Variants in SPTLC1 observed in about 807,000 individuals in gnomAD.
SPTLC1 encodes serine palmitoyltransferase 1.
Under a neutral mutation model 68.9 loss-of-function variants are expected in SPTLC1, and 55 were observed. The observed-to-expected ratio is 0.80, with a 90% CI of 0.64 to 1.00. The LOEUF (loss-of-function observed/expected upper bound fraction) is 1.00. Ranked by LOEUF, SPTLC1 falls within the 50% of genes least tolerant of loss-of-function variation. The pLI is 0.00. For missense variants in SPTLC1, 449 were observed against 573.1 expected, an observed-to-expected ratio of 0.78 and a Z score of 2.21; for synonymous variants, 197 against 201.6, an observed-to-expected ratio of 0.98 and a Z score of 0.19.
intron 3 of SPTLC1, among the ~76,000 whole-genome samples, chr9:92,093,714 C>T (rs947991701): frequency 1.3e-5 from 2 of 152,182 alleles, no homozygotes; most frequent in Non-Finnish European, 2.9e-5. Flanking sequence ...AGATAAACTA[C>T]AAACTCAATG....
intron 2 of SPTLC1, chr9:92,111,458 C>G: frequency 6.6e-6 from 1 of 152,130 alleles, no homozygotes; most frequent in East Asian, 1.9e-4. Context: ...TGTATTATGG[C>G]TTTTATAGTA....
intron 12 of SPTLC1, among the ~76,000 whole-genome samples, chr9:92,041,080 G>C (rs1378001769): frequency 6.6e-6 from 1 of 152,146 alleles, no homozygotes; most frequent in Non-Finnish European, 1.5e-5. Flanking sequence ...CAATCACCAA[G>C]GTAGCCACGG....
intron 3 of SPTLC1, among the ~76,000 whole-genome samples, chr9:92,089,658 A>G (rs1353245513): frequency 6.6e-6 from 1 of 152,206 alleles, no homozygotes; most frequent in Admixed American, 6.5e-5. Flanking sequence ...ACAGGGAAAA[A>G]CTGGAGGAAA....
At chr9:92,073,345 C>A (rs1834564306) in intron 5 of SPTLC1, among the ~76,000 whole-genome samples, 1 of 152,238 alleles carries the variant, frequency 6.6e-6, no homozygotes, top group African/African-American at 2.4e-5. Flanking sequence ...ACTGCTGGCG[C>A]CTTGAGCCTG....
intron 5 of SPTLC1, among the ~76,000 whole-genome samples, chr9:92,071,886 C>T (rs1834506164): frequency 1.3e-5 from 2 of 152,200 alleles, no homozygotes. Context: ...CCTCATGACA[C>T]ATGACACTGT....
intron 6 of SPTLC1, among the ~76,000 whole-genome samples, chr9:92,065,834 C>T (rs1374982651): frequency 6.6e-6 from 1 of 152,128 alleles, no homozygotes; most frequent in Non-Finnish European, 1.5e-5. Flanking sequence ...TGTAGTGCTC[C>T]TAGACTGCTG....
rs895894833 is a variant in SPTLC1 at position 92,032,146 on chromosome 9, G to A, written c.*319C>T. 9.3e-6 allele frequency: 8 copies of A among 857,302 alleles called. No individual in the cohort carries two copies. The highest frequency in any genetic ancestry group is 3.4e-5 in the African/African-American group (2 of 58,706). The allele number at this position is 857,302 out of a possible 1,614,324, so 53.1% of individuals were successfully genotyped here. On this transcript the variant is annotated 3_prime_UTR_variant, in exon 15 of 15. Transcript: ENST00000262554. ...AGACACTGAAGCTCCAGTTTTAAAC[G>A]ACAACAAAAGAATATAAAATACTAG...
At chr9:92,053,678 T>C (rs566753099) in intron 8 of SPTLC1, among the ~76,000 whole-genome samples, 6 of 152,320 alleles carry the variant, frequency 3.9e-5, no homozygotes, top group East Asian at 1.9e-4. Context: ...TCATATATTA[T>C]ATGATGCCAT....
intron 3 of SPTLC1, among the ~76,000 whole-genome samples, chr9:92,088,883 G>C (rs1489173063): frequency 6.6e-6 from 1 of 152,066 alleles, no homozygotes; most frequent in Non-Finnish European, 1.5e-5. Flanking sequence ...AATCTTATAG[G>C]GTATGCTGCA....
In SPTLC1 at chr9:92,047,145, A is replaced by C. The variant is rs1343900253; in HGVS notation, c.1081+27T>G. 3 of 1,565,014 alleles carry C rather than the reference A, an allele frequency of 1.9e-6. No individual in the cohort carries two copies. The East Asian group carries it at 6.7e-5, about 35-fold the overall frequency. ...ACTAACGTAACCTGAAATCTCTTTG[A>C]TTCCTTGGGTTTTTAAAGGGTTATA... On this transcript the variant is annotated intron_variant, in intron 11 of 14. Coordinates refer to ENST00000262554, the MANE Select transcript of SPTLC1 (RefSeq NM_006415.4).
At chr9:92,039,001 G>T (rs976410859) in intron 12 of SPTLC1, among the ~76,000 whole-genome samples, 7 of 152,090 alleles carry the variant, frequency 4.6e-5, no homozygotes, top group African/African-American at 1.7e-4. Context: ...CAAAAAATTG[G>T]CCGAGTGTGG....
chr9:92,081,685 T>C lies in SPTLC1; in HGVS notation c.261-722A>G, dbSNP rs915936114. Among the ~76,000 whole-genome samples, 8 of 152,318 alleles carry C rather than the reference T, an allele frequency of 5.3e-5. 1 individual carries two copies. The highest frequency in any genetic ancestry group is 3.3e-4 in the Admixed American group (5 of 15,302). On this transcript the variant is annotated intron_variant, in intron 3 of 14. Coordinates refer to ENST00000262554, the MANE Select transcript of SPTLC1 (RefSeq NM_006415.4). ...ACTGTTAAAGGGCTGTGAGACCAAG[T>C]TAGTTGGTCACAATCAGCCTATTTT...
chr9:92,040,221 T>C (rs1833293120), intron 12 of SPTLC1, among the ~76,000 whole-genome samples: 1 of 151,672 alleles, frequency 6.6e-6, no homozygotes, highest in Admixed American at 6.6e-5. Context: ...AATATAAAAA[T>C]TAGCCAGGTG....
In SPTLC1 at chr9:92,032,204, C is replaced by A. The variant is rs1018601359; in HGVS notation, c.*261G>T. On this transcript the variant is annotated 3_prime_UTR_variant, in exon 15 of 15. Coordinates refer to ENST00000262554, the MANE Select transcript of SPTLC1 (RefSeq NM_006415.4). ...AAACATTTAAATAGTACTAAATGCA[C>A]AATTTAAACATCAGTTATACACTGT... is the stretch of plus-strand genomic sequence containing the variant. 2 of 1,289,172 alleles carry A rather than the reference C, an allele frequency of 1.6e-6. No individual in the cohort carries two copies. The highest frequency in any genetic ancestry group is 5.1e-5 in the East Asian group (2 of 39,566). The allele number at this position is 1,289,172 out of a possible 1,614,324, so 79.9% of individuals were successfully genotyped here. A position where few individuals can be genotyped will look rare whatever the true frequency, so the allele number is the denominator to read the frequency against.
At chr9:92,068,835 C>T (rs1426590623) in intron 5 of SPTLC1, among the ~76,000 whole-genome samples, 3 of 152,158 alleles carry the variant, frequency 2.0e-5, no homozygotes, top group Non-Finnish European at 4.4e-5. Context: ...GACGGAGGAC[C>T]AGTGATGCTT....
At chr9:92,107,124 G>A (rs1240441018) in intron 3 of SPTLC1, among the ~76,000 whole-genome samples, 1 of 152,180 alleles carries the variant, frequency 6.6e-6, no homozygotes, top group Non-Finnish European at 1.5e-5. Context: ...AACTCACAGT[G>A]AAGAAGGGTC....
intron 5 of SPTLC1, among the ~76,000 whole-genome samples, chr9:92,076,138 C>G (rs866227067): frequency 1.6e-4 from 25 of 152,162 alleles, no homozygotes; most frequent in African/African-American, 6.0e-4. Context: ...ATGTTAATAT[C>G]TAATTGACTC....
chr9:92,056,295 T>C (rs1833888456), intron 7 of SPTLC1, among the ~76,000 whole-genome samples: 1 of 152,172 alleles, frequency 6.6e-6, no homozygotes, highest in African/African-American at 2.4e-5. Flanking sequence ...AGTGGCGCCA[T>C]CTCTGCTCGC....
intron 1 of SPTLC1, among the ~76,000 whole-genome samples, chr9:92,113,398 A>G (rs1836315729): frequency 6.6e-6 from 1 of 152,230 alleles, no homozygotes. Flanking sequence ...CCAAAAAGAA[A>G]TCACCCTAAG....
Sources: allele counts gnomAD v4.1 joint callset (sites outside exome capture counted in the v4.1 genomes callset), GRCh38; gene constraint gnomAD v4.1.1; transcripts MANE v1.5; gene names NCBI Gene and HGNC (gene_info 2026-07-23, HGNC 2026-07-21).